FRMPD4: variants seen among roughly 807,000 people sequenced by gnomAD.
FRMPD4 encodes the protein FERM and PDZ domain containing 4, also known as FERM and PDZ domain-containing protein 4.
Under a neutral mutation model 94.1 loss-of-function variants are expected in FRMPD4, and 22 were observed. The ratio of observed to expected loss-of-function variants is 0.23; its 90% CI spans 0.17 to 0.33. The LOEUF (loss-of-function observed/expected upper bound fraction) is 0.33, where lower values mean the gene tolerates loss of function less well. FRMPD4 is among the 10% of genes least tolerant of loss of function. The pLI is 1.00. For synonymous variants in FRMPD4, 631 were observed against 548.6 expected, an observed-to-expected ratio of 1.15 and a Z score of -2.10; for missense variants, 1,111 against 1,339.9, an observed-to-expected ratio of 0.83 and a Z score of 2.67.
At chrX:11,849,473 A>T (rs2053607013) in intron 1 of FRMPD4, among the ~76,000 whole-genome samples, 1 of 111,448 alleles carries the variant, frequency 9.0e-6, no homozygotes, top group Non-Finnish European at 1.9e-5. Context: ...AACAGTCTTG[A>T]AAAAGAAAAA....
chrX:11,850,384 A>T (rs1022272829), intron 1 of FRMPD4, among the ~76,000 whole-genome samples: 2 of 112,741 alleles, frequency 1.8e-5, no homozygotes, highest in Non-Finnish European at 3.8e-5. Flanking sequence ...ATAGGAAAAG[A>T]GTATGATAGT....
intron 1 of FRMPD4, among the ~76,000 whole-genome samples, chrX:12,223,714 A>G (rs1394704163): frequency 4.5e-5 from 5 of 111,966 alleles, no homozygotes; most frequent in Non-Finnish European, 9.4e-5. Context: ...TCTTGAGAAC[A>G]TTTGTTATTA....
At chrX:12,451,702 A>G (rs376215933) in intron 1 of FRMPD4, among the ~76,000 whole-genome samples, 4 of 105,591 alleles carry the variant, frequency 3.8e-5, no homozygotes, top group South Asian at 4.5e-4. Flanking sequence ...GCTTCCCACT[A>G]TTGATACCCT....
intron 1 of FRMPD4, among the ~76,000 whole-genome samples, chrX:12,367,553 G>A (rs751561375): frequency 1.8e-5 from 2 of 112,074 alleles, no homozygotes; most frequent in East Asian, 2.8e-4. Context: ...CGTGGGATTC[G>A]AGTGGAGATG....
At chrX:12,152,490 G>T (rs1281346715) in intron 1 of FRMPD4, among the ~76,000 whole-genome samples, 1 of 111,054 alleles carries the variant, frequency 9.0e-6, no homozygotes, top group Non-Finnish European at 1.9e-5. Flanking sequence ...TAATGAAGAA[G>T]AAAATCTATT....
chrX:12,524,307 C>T (rs961215931), intron 2 of FRMPD4, among the ~76,000 whole-genome samples: 1 of 112,342 alleles, frequency 8.9e-6, no homozygotes, highest in African/African-American at 3.2e-5. Flanking sequence ...ATTTTGGAAT[C>T]TATCTCCTTC....
intron 16 of FRMPD4, 77 bp downstream of exon 16, chrX:12,718,867 C>CGTTTGTT: frequency 3.1e-6 from 2 of 636,234 alleles, no homozygotes; most frequent in Non-Finnish European, 5.0e-6. Flanking sequence ...AACTTAAAAA[C>CGTTTGTT]GTAATGTCTG....
intron 1 of FRMPD4, chrX:12,375,061 G>A (rs1317592): frequency 0.2 from 22,586 of 111,228 alleles, 1,776 homozygotes; most frequent in Non-Finnish European, 0.24. Flanking sequence ...CCGACCTAGC[G>A]TCTTCTAGAC....
intron 7 of FRMPD4, among the ~76,000 whole-genome samples, chrX:12,687,181 G>A (rs947195175): frequency 2.7e-5 from 3 of 111,954 alleles, no homozygotes; most frequent in Non-Finnish European, 5.6e-5. Flanking sequence ...CAAGCAGCTC[G>A]TTTTGAATTG....
At chrX:12,607,136 C>A (rs2059138719) in intron 2 of FRMPD4, among the ~76,000 whole-genome samples, 1 of 111,442 alleles carries the variant, frequency 9.0e-6, no homozygotes, top group Non-Finnish European at 1.9e-5. Context: ...GGCTCCTACC[C>A]TGGTCACTGG....
At chrX:11,914,432 C>T (rs2054013431) in intron 3 of FRMPD4, among the ~76,000 whole-genome samples, 1 of 109,162 alleles carries the variant, frequency 9.2e-6, no homozygotes, top group South Asian at 4.0e-4. Flanking sequence ...AAGAAGGGAC[C>T]ATGGCAATTG....
intron 1 of FRMPD4, among the ~76,000 whole-genome samples, chrX:12,369,241 T>G (rs760650120): frequency 1.7e-4 from 18 of 103,582 alleles, no homozygotes; most frequent in Non-Finnish European, 2.7e-4. Context: ...TAAACTCAGT[T>G]TTTTTTTTTT....
chrX:11,904,481 G>A (rs978484367), intron 3 of FRMPD4, among the ~76,000 whole-genome samples: 2 of 112,439 alleles, frequency 1.8e-5, no homozygotes, highest in African/African-American at 6.5e-5. Flanking sequence ...AGAAAGGTGA[G>A]AACTTGATTT....
At chrX:11,934,178 G>C (rs2054137499) in intron 3 of FRMPD4, among the ~76,000 whole-genome samples, 1 of 112,189 alleles carries the variant, frequency 8.9e-6, no homozygotes, top group Non-Finnish European at 1.9e-5. Flanking sequence ...TACTTACTGG[G>C]TCACTTCACT....
intron 1 of FRMPD4, among the ~76,000 whole-genome samples, chrX:11,824,554 C>T (rs1212274784): frequency 9.0e-6 from 1 of 111,524 alleles, no homozygotes; most frequent in East Asian, 2.8e-4. Context: ...AAAATATCTC[C>T]AGACATTGCC....
intron 2 of FRMPD4, among the ~76,000 whole-genome samples, chrX:12,509,008 AAAAAAAAG>A (rs1301807251): frequency 1.9e-5 from 2 of 107,706 alleles, no homozygotes; most frequent in Non-Finnish European, 3.8e-5. Flanking sequence ...AAAAAAAAAA[AAAAAAAAG>A]AATTTAGGCA....
At chrX:12,409,481 T>C (rs373116857) in intron 1 of FRMPD4, among the ~76,000 whole-genome samples, 1 of 112,187 alleles carries the variant, frequency 8.9e-6, no homozygotes, top group African/African-American at 3.2e-5. Flanking sequence ...TGTGTTCCTT[T>C]AATTGAAGAC....
chrX:12,075,697 C>G (rs2055007633), intron 3 of FRMPD4, among the ~76,000 whole-genome samples: 1 of 111,756 alleles, frequency 8.9e-6, no homozygotes, highest in African/African-American at 3.3e-5. Context: ...CACGGAGCAG[C>G]AAGTCACTTT....
chrX:12,718,184 G>T lies in FRMPD4; in HGVS notation c.3358G>T (p.Gly1120Cys). 2 of 1,211,436 alleles carry T rather than the reference G, an allele frequency of 1.7e-6. No individual in the cohort carries two copies. The highest frequency in any genetic ancestry group is 1.1e-6 in the Non-Finnish European group (1 of 894,950). The change falls in exon 16 of 17, where the codon GGT becomes TGT. Residue 1120 changes from glycine (G) to cysteine (C), a missense_variant. This residue lies in a region of FRMPD4 where 551 missense variants were observed against 591.6 expected (regional missense o/e 0.93). Coordinates refer to ENST00000675598, the MANE Select transcript of FRMPD4 (RefSeq NM_001368397.1). ...AGGGAAAACCTTTCCAAGAGCTTCT[G>T]GTCTTGGGGCAAGGGAGGCCGAAGG... ...ATGKTFPRASGLGAREAEGKE... is the reference protein window; with the variant it reads ...ATGKTFPRASCLGAREAEGKE...
Sources: allele counts gnomAD v4.1 joint callset (sites outside exome capture counted in the v4.1 genomes callset), GRCh38; gene constraint gnomAD v4.1.1; regional missense constraint gnomAD v4.1.1; transcripts MANE v1.5; gene names NCBI Gene and HGNC (gene_info 2026-07-23, HGNC 2026-07-21).